Variants in YY1AP1 observed in about 807,000 individuals in gnomAD.
YY1AP1 encodes the protein YY1-associated protein 1.
A neutral mutation model predicts 39.9 loss-of-function variants in YY1AP1; 43 were observed. The observed-to-expected ratio is 1.08, with a 90% confidence interval of 0.84 to 1.39. YY1AP1 has a LOEUF of 1.39. YY1AP1 is among the 40% of genes most tolerant of loss of function. The probability of loss-of-function intolerance (pLI) is 0.00; values close to 1 mark genes in which losing one functional copy is unlikely to be tolerated. For synonymous variants in YY1AP1, 292 were observed against 331.3 expected, an observed-to-expected ratio of 0.88 and a Z score of 1.29; for missense variants, 813 against 900.7, an observed-to-expected ratio of 0.90 and a Z score of 1.25.
chr1:155,688,026 A>G (rs755505944), intron 2 of YY1AP1, 45 bp downstream of exon 2: 2 of 1,524,846 alleles, frequency 1.3e-6, no homozygotes, highest in Admixed American at 2.1e-5. Flanking sequence ...TCAATCGCTG[A>G]GAGAGTGCTT....
At position 155,679,251 on chromosome 1, in the gene YY1AP1, G is replaced by A. The variant is rs1309753289; in HGVS notation, c.125+158C>T. On this transcript the variant is annotated intron_variant, in intron 4 of 10. Transcript: ENST00000355499. ...CAGCTGCACTGCCCCATAACAAGGA[G>A]ACTTCACTTGACACCTAACTCCTGA... The A allele has an allele frequency of 1.3e-5, 20 of 1,536,416 alleles. No individual in the cohort carries two copies. The Admixed American group carries it at 1.6e-4, about 12-fold the overall frequency.
At position 155,675,021 on chromosome 1, in the gene YY1AP1, T is replaced by C; in HGVS notation, c.400A>G (p.Arg134Gly). ...ATTTGGAAACTTACAAGACATATCC[T>C]GGTGCTACTGGCCTCCGGATTGAGA... ...PNLNPEASST[R>G]ICLKELGTFA... is the part of the protein sequence containing the mutation. The change falls in exon 6 of 11, where the codon AGG (arginine) becomes GGG (glycine). Residue 134 changes from arginine (R) to glycine (G), a missense_variant. By Grantham distance (125) the Arg-to-Gly change is moderately radical. Transcript: ENST00000355499. 5 of 1,613,486 alleles carry C rather than the reference T, an allele frequency of 3.1e-6. No individual in the cohort carries two copies. The highest frequency in any genetic ancestry group is 4.2e-6 in the Non-Finnish European group (5 of 1,179,510).
chr1:155,687,009 C>A (rs928185772), intron 2 of YY1AP1, among the ~76,000 whole-genome samples: 5 of 151,848 alleles, frequency 3.3e-5, no homozygotes, highest in African/African-American at 1.2e-4. Context: ...TAACATGCGG[C>A]CTTGGAGAAG....
intron 6 of YY1AP1, among the ~76,000 whole-genome samples, chr1:155,674,148 G>A (rs1241061766): frequency 1.6e-5 from 2 of 124,258 alleles, no homozygotes; most frequent in African/African-American, 3.4e-5. Context: ...GCGACAGAGC[G>A]AGACTCCGTC....
chr1:155,672,388 C>T, intron 7 of YY1AP1, 172 bp downstream of exon 7: 2 of 854,400 alleles, frequency 2.3e-6, no homozygotes, highest in South Asian at 3.1e-5. Flanking sequence ...TCATGTAATT[C>T]TAGAACTTGG....
Position 155,659,818 on chromosome 1 carries a change from A to T in YY1AP1, c.2092T>A (p.Tyr698Asn), listed in dbSNP as rs755249698. The part of the protein sequence containing the change: ...CQEGLSENSA[Y>N]RWTVVKTEEG... The stretch of plus-strand genomic sequence containing the variant: ...TCTGTTTTCACAACGGTCCAGCGAT[A>T]GGCACTGTTCTCTGACAATCCTTCT... The change falls in exon 11 of 11, where the codon TAT becomes AAT. Residue 698 changes from tyrosine (Y) to asparagine (N), a missense_variant. Tyr to Asn is a moderately radical substitution (Grantham distance 143). Coordinates refer to ENST00000355499, the MANE Select transcript of YY1AP1 (RefSeq NM_139119.3). The T allele has an allele frequency of 1.2e-6, 2 of 1,614,218 alleles. No individual in the cohort carries two copies. The highest frequency in any genetic ancestry group is 2.2e-5 in the South Asian group (2 of 91,080).
intron 2 of YY1AP1, among the ~76,000 whole-genome samples, chr1:155,687,192 C>T (rs597276): frequency 2.2e-4 from 34 of 152,186 alleles, no homozygotes; most frequent in Admixed American, 3.3e-4. Flanking sequence ...AGCTTTGTAG[C>T]AATGATTCTG....
chr1:155,670,543 A>G (rs1006043558), intron 7 of YY1AP1, 79 bp from the exon 8 acceptor site: 7 of 1,515,514 alleles, frequency 4.6e-6, no homozygotes, highest in Non-Finnish European at 5.4e-6. Flanking sequence ...GCATTTTTGC[A>G]TTTAGGTAGA....
chr1:155,674,939 AC>A (rs1650420405), intron 6 of YY1AP1, 70 bp downstream of exon 6: 1 of 1,374,778 alleles, frequency 7.3e-7, no homozygotes, highest in African/African-American at 1.4e-5. Flanking sequence ...TGAGAGAATA[AC>A]TGTGAGAAAT....
rs1343730377 is a variant in YY1AP1, at chr1:155,676,472, A to C, written c.324+76T>G. On this transcript the variant is annotated intron_variant, in intron 5 of 10. Coordinates refer to ENST00000355499, the MANE Select transcript of YY1AP1 (RefSeq NM_139119.3). ...TATCTCTGACATTTACAAAGCTGCT[A>C]ATTTTAGATTATACCAAAGCCTCAG... The C allele has an allele frequency of 3.2e-6, 5 of 1,557,450 alleles. No homozygotes were observed. The Admixed American group carries it at 6.8e-5, about 21-fold the overall frequency.
chr1:155,680,626 G>A (rs1036556219), intron 2 of YY1AP1, among the ~76,000 whole-genome samples, 170 bp from the exon 3 acceptor site: 2 of 152,198 alleles, frequency 1.3e-5, no homozygotes, highest in African/African-American at 4.8e-5. Flanking sequence ...GAGGGCAGTG[G>A]CTTGATCTCG....
chr1:155,672,251 G>A (rs1029222338), intron 7 of YY1AP1: 2 of 429,472 alleles, frequency 4.7e-6, no homozygotes, highest in African/African-American at 2.0e-5. Flanking sequence ...AGTTTATCTT[G>A]ATCTGATTCC....
chr1:155,676,710 T>C lies in YY1AP1; in HGVS notation c.162A>G (p.Gln54=). 1 of 1,614,172 alleles carries C rather than the reference T, an allele frequency of 6.2e-7. No homozygotes were observed. Among genetic ancestry groups the C allele is most frequent in the Non-Finnish European group, 8.5e-7 (1 of 1,180,018 alleles). ...CAAATAGTTCCTTCGCTATCTGATG[T>C]TGTTCATTTAGTAGGTTGGCCAGTA... ...EELLANLLNE[Q]HQIAKELFEQ... is the part of the protein sequence containing the mutation. Residue 54 remains glutamine, a synonymous_variant, in exon 5 of 11, where the codon CAA becomes CAG. Coordinates refer to ENST00000355499, the MANE Select transcript of YY1AP1 (RefSeq NM_139119.3).
chr1:155,681,881 T>TAA (rs1360816921), intron 2 of YY1AP1, among the ~76,000 whole-genome samples: 2 of 150,848 alleles, frequency 1.3e-5, no homozygotes, highest in Non-Finnish European at 3.0e-5. Context: ...GCCAGGGACT[T>TAA]GCTATGTTGC....
intron 5 of YY1AP1, 73 bp from the exon 6 acceptor site, chr1:155,675,169 T>C (rs935283076): frequency 2.8e-6 from 4 of 1,452,138 alleles, no homozygotes; most frequent in African/African-American, 1.4e-5. Flanking sequence ...GATATTTTTT[T>C]TTCCCCCTGG....
rs556811436 is a variant in YY1AP1, at chr1:155,659,731, A to T, written c.2179T>A (p.Ser727Thr). 140 of 1,614,160 alleles carry T rather than the reference A, an allele frequency of 8.7e-5. No homozygotes were observed. In the Admixed American group the frequency reaches 1.4e-3, roughly 17 times the overall value. Residue 727 changes from serine to threonine, a missense_variant, in exon 11 of 11, where the codon TCC becomes ACC. Ser to Thr is a moderately conservative substitution (Grantham distance 58). Coordinates refer to ENST00000355499, the MANE Select transcript of YY1AP1 (RefSeq NM_139119.3). Reference protein sequence around the residue: ...QGIQESLNNSSPGDLEEVVKM... With the variant: ...QGIQESLNNSTPGDLEEVVKM... ...ACAACTTCCTCTAAATCCCCAGGGG[A>T]AGAGTTGTTTAGAGACTCCTGGATG... is the stretch of plus-strand genomic sequence containing the variant.
chr1:155,683,662 A>T (rs1455045604), intron 2 of YY1AP1, among the ~76,000 whole-genome samples: 1 of 152,054 alleles, frequency 6.6e-6, no homozygotes, highest in Non-Finnish European at 1.5e-5. Flanking sequence ...TCTCAAAAAA[A>T]ACAAAACAAA....
chr1:155,674,005 CAAA>C (rs1246712252), intron 6 of YY1AP1, among the ~76,000 whole-genome samples: 1 of 151,532 alleles, frequency 6.6e-6, no homozygotes, highest in Non-Finnish European at 1.5e-5. Context: ...ACTAAAAATA[CAAA>C]AAATTAGCCG....
rs1257471391 is a variant in YY1AP1, at chr1:155,659,507, G to C, written c.*150C>G. ...AGCAAAAGTATATTCCACAGAGTGG[G>C]AGCAGGCTAAAGCAAGCTGCTCAAG... On this transcript the variant is annotated 3_prime_UTR_variant, in exon 11 of 11. Transcript: ENST00000355499. 1 of 728,916 alleles carries C rather than the reference G, an allele frequency of 1.4e-6. No individual in the cohort carries two copies. The highest frequency in any genetic ancestry group is 1.8e-5 in the African/African-American group (1 of 56,888). The allele number at this position is 728,916 out of a possible 1,614,324, so 45.2% of individuals were successfully genotyped here. A position where few individuals can be genotyped will look rare whatever the true frequency, so the allele number is the denominator to read the frequency against.
Sources: allele counts gnomAD v4.1 joint callset (sites outside exome capture counted in the v4.1 genomes callset), GRCh38; gene constraint gnomAD v4.1.1; transcripts MANE v1.5; gene names NCBI Gene and HGNC (gene_info 2026-07-23, HGNC 2026-07-21).